The following GLI2 variants were observed in gnomAD, a reference collection of about 807,000 sequenced individuals.
The protein encoded by GLI2 is transcription activator GLI2.
In GLI2, 22 loss-of-function variants were observed where a neutral mutation model predicts 78.9. The observed-to-expected ratio is 0.28, with a 90% confidence interval of 0.20 to 0.40. The LOEUF (loss-of-function observed/expected upper bound fraction) is 0.40, where lower values mean the gene tolerates loss of function less well. Ranked by LOEUF, GLI2 falls within the 10% of genes least tolerant of loss-of-function variation. The pLI, the probability that GLI2 is intolerant of heterozygous loss-of-function variation, is 1.00. For missense variants in GLI2, 2,097 were observed against 2,213.2 expected (o/e 0.95, Z 1.05); for synonymous variants, 974 against 963.7 (o/e 1.01, Z -0.20).
At chr2:120,940,031 G>A (rs1680381097) in intron 3 of GLI2, among the ~76,000 whole-genome samples, 1 of 152,174 alleles carries the variant, frequency 6.6e-6, no homozygotes, top group Non-Finnish European at 1.5e-5. Context: ...AATGAACCTT[G>A]AGTGTTCTTT....
intron 2 of GLI2, among the ~76,000 whole-genome samples, chr2:120,850,503 G>T (rs1360323675): frequency 6.6e-6 from 1 of 152,216 alleles, no homozygotes; most frequent in African/African-American, 2.4e-5. Context: ...AGTCATATAG[G>T]AGGGACTCAA....
chr2:120,752,452 G>A (rs1682906172), intron 1 of GLI2, among the ~76,000 whole-genome samples: 1 of 151,918 alleles, frequency 6.6e-6, no homozygotes, highest in Non-Finnish European at 1.5e-5. Flanking sequence ...TGTATTTTTA[G>A]TAGAGATGGG....
At position 120,984,706 on chromosome 2, in the gene GLI2, G is replaced by C. The variant is rs894160687; in HGVS notation, c.1868G>C (p.Cys623Ser). 1.2e-6 allele frequency: 2 copies of C among 1,613,448 alleles called. No individual in the cohort carries two copies. The highest frequency in any genetic ancestry group is 1.7e-5 in the Admixed American group (1 of 60,018). The change falls in exon 12 of 14, where the codon TGC (cysteine) becomes TCC (serine). Residue 623 changes from cysteine to serine, a missense_variant. By Grantham distance (112) the Cys-to-Ser change is moderately radical. Coordinates refer to ENST00000361492, the MANE Select transcript of GLI2 (RefSeq NM_001374353.1). ...ASSTSQAVED[C>S]LHVRAIKTES... ...AGCACCAGCCAGGCCGTGGAGGACTGCCTGCACGTCAGAGCCATCAAGACC... is the reference window on the plus strand; with the variant it reads ...AGCACCAGCCAGGCCGTGGAGGACTCCCTGCACGTCAGAGCCATCAAGACC...
chr2:120,826,830 G>A (rs946891115), intron 2 of GLI2, among the ~76,000 whole-genome samples: 12 of 152,268 alleles, frequency 7.9e-5, no homozygotes, highest in African/African-American at 2.6e-4. Context: ...CTCAGAGCCC[G>A]TTTCAGATCC....
At chr2:120,946,538 C>A (rs115592414) in intron 3 of GLI2, among the ~76,000 whole-genome samples, 1 of 152,130 alleles carries the variant, frequency 6.6e-6, no homozygotes, top group East Asian at 1.9e-4. Flanking sequence ...GCCTAGCTGT[C>A]GGAATTCAAG....
chr2:120,951,204 G>C, intron 3 of GLI2, 39 bp from the exon 4 acceptor site: 1 of 1,223,750 alleles, frequency 8.2e-7, no homozygotes, highest in South Asian at 1.2e-5. Flanking sequence ...GGTTCCCTCT[G>C]TGTCCTCCTT....
At chr2:120,834,039 G>A (rs1686489428) in intron 2 of GLI2, among the ~76,000 whole-genome samples, 2 of 152,148 alleles carry the variant, frequency 1.3e-5, no homozygotes, top group Admixed American at 6.5e-5. Flanking sequence ...ACAGCTCTGG[G>A]GGTGCTCAGT....
intron 2 of GLI2, among the ~76,000 whole-genome samples, chr2:120,875,790 A>G (rs773744652): frequency 6.6e-6 from 1 of 151,870 alleles, no homozygotes; most frequent in Non-Finnish European, 1.5e-5. Flanking sequence ...GGACTAAAAG[A>G]TGACAGTGAT....
At chr2:120,912,300 G>C (rs1189015493) in intron 2 of GLI2, among the ~76,000 whole-genome samples, 1 of 145,992 alleles carries the variant, frequency 6.8e-6, no homozygotes, top group Non-Finnish European at 1.5e-5. Context: ...TTGATGTCAG[G>C]AAGGCTTTGG....
chr2:120,957,547 C>T (rs981318986), intron 5 of GLI2, among the ~76,000 whole-genome samples: 2 of 152,250 alleles, frequency 1.3e-5, no homozygotes, highest in African/African-American at 2.4e-5. Context: ...CAGCTTCCTG[C>T]AAGCAGGACC....
intron 4 of GLI2, among the ~76,000 whole-genome samples, chr2:120,954,481 TC>T (rs2104961433): frequency 1.3e-5 from 2 of 152,136 alleles, no homozygotes; most frequent in Non-Finnish European, 2.9e-5. Flanking sequence ...ATAAGAGAGC[TC>T]TTTTGGAATT....
intron 3 of GLI2, among the ~76,000 whole-genome samples, chr2:120,948,762 C>T (rs1680837688): frequency 6.6e-6 from 1 of 152,158 alleles, no homozygotes; most frequent in Admixed American, 6.5e-5. Context: ...AACCCTGGTG[C>T]CAGGGAGGCT....
At chr2:120,926,178 A>T (rs1365104765) in intron 2 of GLI2, among the ~76,000 whole-genome samples, 3 of 151,088 alleles carry the variant, frequency 2.0e-5, no homozygotes, top group Non-Finnish European at 4.4e-5. Flanking sequence ...ATTGTACCAG[A>T]ATCTGTTTGC....
chr2:120,935,484 T>C (rs1680155637), intron 3 of GLI2, among the ~76,000 whole-genome samples: 1 of 152,106 alleles, frequency 6.6e-6, no homozygotes, highest in Non-Finnish European at 1.5e-5. Context: ...CCCCTCCCCA[T>C]CTCTGGGCTG....
At chr2:120,753,887 G>T (rs1208276090) in intron 1 of GLI2, among the ~76,000 whole-genome samples, 3 of 148,270 alleles carry the variant, frequency 2.0e-5, no homozygotes, top group Admixed American at 2.0e-4. Context: ...CTGCACTCCA[G>T]CCTGGGCGAC....
intron 10 of GLI2, 105 bp downstream of exon 10, chr2:120,978,688 G>A: frequency 7.9e-7 from 1 of 1,269,898 alleles, no homozygotes; most frequent in Non-Finnish European, 1.1e-6. Flanking sequence ...CACCTGGGTG[G>A]GGCAGACCAC....
At chr2:120,809,822 G>A (rs1290912717) in intron 2 of GLI2, among the ~76,000 whole-genome samples, 3 of 152,198 alleles carry the variant, frequency 2.0e-5, no homozygotes, top group East Asian at 1.9e-4. Flanking sequence ...TTAAGGGTGC[G>A]AGTTTGGAGG....
intron 8 of GLI2, 85 bp downstream of exon 8, chr2:120,972,148 G>T (rs952321294): frequency 3.1e-5 from 46 of 1,490,804 alleles, no homozygotes; most frequent in Non-Finnish European, 4.1e-5. Flanking sequence ...GGTGGTGAAC[G>T]GATGGCTGGC....
chr2:120,963,529 T>C (rs1294430212), intron 5 of GLI2, among the ~76,000 whole-genome samples: 1 of 150,072 alleles, frequency 6.7e-6, no homozygotes. Context: ...TGTGTGTATG[T>C]GTCCACCTGG....
Sources: allele counts gnomAD v4.1 joint callset (sites outside exome capture counted in the v4.1 genomes callset), GRCh38; gene constraint gnomAD v4.1.1; transcripts MANE v1.5; gene names NCBI Gene and HGNC (gene_info 2026-07-23, HGNC 2026-07-21).